COL5A2: variants seen among roughly 807,000 people sequenced by gnomAD.
The protein encoded by COL5A2 is collagen alpha-2(V) chain.
COL5A2 carries 23 observed loss-of-function variants against 208.2 expected under a neutral mutation model. The ratio of observed to expected loss-of-function variants is 0.11; its 90% CI spans 0.08 to 0.16. COL5A2 has a LOEUF of 0.16. Ranked by LOEUF, COL5A2 falls within the 10% of genes least tolerant of loss-of-function variation. COL5A2 has a pLI of 1.00. For synonymous variants in COL5A2, 625 were observed against 628.5 expected, an observed-to-expected ratio of 0.99 and a Z score of 0.08; for missense variants, 1,590 against 1,956.4, an observed-to-expected ratio of 0.81 and a Z score of 3.53.
At chr2:189,187,602 A>G (rs539269665) in intron 1 of COL5A2, among the ~76,000 whole-genome samples, 7 of 152,368 alleles carry the variant, frequency 4.6e-5, no homozygotes, top group South Asian at 2.1e-4. Flanking sequence ...GTAATATTAC[A>G]TAAGTGCTGG....
At chr2:189,217,989 C>T (rs1449229419) in intron 1 of COL5A2, among the ~76,000 whole-genome samples, 1 of 152,142 alleles carries the variant, frequency 6.6e-6, no homozygotes, top group Non-Finnish European at 1.5e-5. Context: ...AAACAGCATC[C>T]ATGTGGTCAT....
At chr2:189,157,124 C>CTATATATAGATATATAGATATATCGATA (rs112157584) in intron 1 of COL5A2, among the ~76,000 whole-genome samples, 1 of 85,902 alleles carries the variant, frequency 1.2e-5, no homozygotes, top group African/African-American at 3.4e-5. Flanking sequence ...ATCGATATAT[C>CTATATATAGATATATAGATATATCGATA]TATCTATATA....
the COL5A2 span, among the ~76,000 whole-genome samples, chr2:189,240,993 CA>C: frequency 6.6e-6 from 1 of 152,128 alleles, no homozygotes; most frequent in Non-Finnish European, 1.5e-5. Flanking sequence ...TTCAAACTTC[CA>C]AATCTAATCA....
chr2:189,389,741 A>C, the COL5A2 span, among the ~76,000 whole-genome samples: 1 of 152,198 alleles, frequency 6.6e-6, no homozygotes, highest in African/African-American at 2.4e-5. Flanking sequence ...CTCATCACAT[A>C]ACATGGTTTC....
the COL5A2 span, among the ~76,000 whole-genome samples, chr2:189,385,512 T>C: frequency 6.6e-6 from 1 of 151,988 alleles, no homozygotes; most frequent in Non-Finnish European, 1.5e-5. Context: ...GCTCATGGAT[T>C]GAGAAGAATC....
At chr2:189,300,531 C>T in the COL5A2 span, among the ~76,000 whole-genome samples, 6 of 152,182 alleles carry the variant, frequency 3.9e-5, no homozygotes, top group Non-Finnish European at 7.3e-5. Context: ...TATCCCCATT[C>T]TTCAGTCAAG....
At chr2:189,403,371 T>G in the COL5A2 span, among the ~76,000 whole-genome samples, 1 of 152,228 alleles carries the variant, frequency 6.6e-6, no homozygotes, top group East Asian at 1.9e-4. Flanking sequence ...ATACTTTGAC[T>G]TCCTCTCTTC....
At chr2:189,229,154 T>A (rs947104275), upstream of COL5A2, among the ~76,000 whole-genome samples, 3 of 151,640 alleles carry the variant, frequency 2.0e-5, no homozygotes, top group African/African-American at 7.3e-5. Context: ...AAGGAAATCA[T>A]CATAACATAA....
chr2:189,436,782 A>G, the COL5A2 span, among the ~76,000 whole-genome samples: 1 of 152,184 alleles, frequency 6.6e-6, no homozygotes, highest in Non-Finnish European at 1.5e-5. Context: ...GTTCTCACTT[A>G]TAAGTGGGAG....
the COL5A2 span, among the ~76,000 whole-genome samples, chr2:189,286,624 A>G: frequency 1.3e-5 from 2 of 152,226 alleles, no homozygotes. Context: ...GACATGCCAC[A>G]GCACAGAAGA....
intron 6 of COL5A2, 114 bp from the exon 7 acceptor site, chr2:189,092,534 G>C: frequency 1.4e-6 from 1 of 734,594 alleles, no homozygotes; most frequent in Non-Finnish European, 2.5e-6. Context: ...AAAAATACAT[G>C]GCAATCTAGC....
At chr2:189,355,681 T>C in the COL5A2 span, among the ~76,000 whole-genome samples, 169 of 152,316 alleles carry the variant, frequency 1.1e-3, no homozygotes, top group African/African-American at 3.7e-3. Flanking sequence ...GTCTTGCACA[T>C]GAGATGGGTC....
intron 37 of COL5A2, 126 bp from the exon 38 acceptor site, chr2:189,053,603 A>C: frequency 1.1e-6 from 1 of 917,036 alleles, no homozygotes; most frequent in Non-Finnish European, 1.7e-6. Context: ...CATATTGCTT[A>C]AGGAAGGTCC....
chr2:189,416,702 AAAGTAT>A, the COL5A2 span, among the ~76,000 whole-genome samples: 1 of 152,238 alleles, frequency 6.6e-6, no homozygotes, highest in South Asian at 2.1e-4. Flanking sequence ...CCTAAAACTT[AAAGTAT>A]AACAATAATA....
At chr2:189,436,086 C>T in the COL5A2 span, among the ~76,000 whole-genome samples, 1 of 152,102 alleles carries the variant, frequency 6.6e-6, no homozygotes, top group Admixed American at 6.5e-5. Flanking sequence ...GATAAAAAAC[C>T]AAACACCGCA....
Position 189,056,926 on chromosome 2 carries a change from G to A in COL5A2, c.2391+47C>T, listed in dbSNP as rs374411622. On this transcript the variant is annotated intron_variant, in intron 35 of 53. Transcript: ENST00000374866. Reference sequence around the variant, plus strand: ...GGTTCAGGGAAACTCATATGATACTGTAATGTTGGTTCCTAGCCCAGCTAG... The same window carrying A: ...GGTTCAGGGAAACTCATATGATACTATAATGTTGGTTCCTAGCCCAGCTAG... 3.4e-5 allele frequency: 54 copies of A among 1,566,892 alleles called. No individual in the cohort carries two copies. The African/African-American group carries it at 7.0e-4, about 20-fold the overall frequency.
the COL5A2 span, among the ~76,000 whole-genome samples, chr2:189,285,676 T>C: frequency 6.6e-6 from 1 of 152,270 alleles, no homozygotes; most frequent in Non-Finnish European, 1.5e-5. Flanking sequence ...TCAGGAACAA[T>C]ATCAAAGGCA....
upstream of COL5A2, chr2:189,179,980 C>T (rs1688752803): frequency 4.5e-6 from 2 of 441,688 alleles, no homozygotes; most frequent in Non-Finnish European, 8.0e-6. Context: ...ATAACAGAAA[C>T]AAACATTTGT....
At chr2:189,425,624 T>C in the COL5A2 span, among the ~76,000 whole-genome samples, 56 of 152,282 alleles carry the variant, frequency 3.7e-4, no homozygotes, top group African/African-American at 1.3e-3. Context: ...ATGATACAAT[T>C]TGAATTTCTG....
Sources: gnomAD v4.1 joint callset for allele counts (sites outside exome capture counted in the v4.1 genomes callset) on GRCh38, gnomAD v4.1.1 for gene constraint, MANE v1.5 for transcripts, NCBI Gene and HGNC (gene_info 2026-07-23, HGNC 2026-07-21) for gene names.